The following EXOC1L variants were observed in gnomAD, a reference collection of about 807,000 sequenced individuals.
EXOC1L encodes exocyst complex component 1 like, also known as exocyst complex component 1-like.
A neutral mutation model predicts 4.9 loss-of-function variants in EXOC1L; 10 were observed. The observed-to-expected ratio is 2.02, with a 90% CI of 1.25 to 3.43. The LOEUF (loss-of-function observed/expected upper bound fraction) is 3.43. Ranked by LOEUF, EXOC1L falls within the 30% of genes most tolerant of loss-of-function variation. EXOC1L has a pLI of 0.00. For synonymous variants in EXOC1L, 41 were observed against 20.8 expected, an observed-to-expected ratio of 1.97 and a Z score of -2.63; for missense variants, 114 against 59.4, an observed-to-expected ratio of 1.92 and a Z score of -3.02.
intron 1 of EXOC1L, among the ~76,000 whole-genome samples, chr4:55,823,392 G>T (rs1447042): frequency 0.078 from 11,807 of 152,144 alleles, 517 homozygotes; most frequent in African/African-American, 0.087. Flanking sequence ...ACAATCTAAA[G>T]AATTTCTTTC....
At chr4:55,826,376 G>A (rs1719885738) in intron 1 of EXOC1L, among the ~76,000 whole-genome samples, 1 of 151,948 alleles carries the variant, frequency 6.6e-6, no homozygotes, top group Non-Finnish European at 1.5e-5. Flanking sequence ...TGGATCAATC[G>A]GGCAATGTTT....
At chr4:55,835,562 G>A (rs1331488487) in intron 2 of EXOC1L, among the ~76,000 whole-genome samples, 1 of 151,964 alleles carries the variant, frequency 6.6e-6, no homozygotes, top group African/African-American at 2.4e-5. Context: ...GCAGGAGTAA[G>A]GTGGTATTGC....
At position 55,825,733 on chromosome 4, in the gene EXOC1L, T is replaced by C. The variant is rs1341338011; in HGVS notation, c.121+5586T>C. Among the ~76,000 whole-genome samples, 3 of 152,118 alleles carry C rather than the reference T, an allele frequency of 2.0e-5. No homozygotes were observed. The East Asian group carries it at 5.8e-4, about 29-fold the overall frequency. ...TCTTTTTCATTTTAAAGACACTCAGTGTAGCCCAAAATTTGATTTTAAAAA... is the reference window on the plus strand; with the variant it reads ...TCTTTTTCATTTTAAAGACACTCAGCGTAGCCCAAAATTTGATTTTAAAAA... On this transcript the variant is annotated intron_variant, in intron 1 of 2. Coordinates refer to ENST00000636125, the MANE Select transcript of EXOC1L (RefSeq NM_001351574.3).
At chr4:55,822,892 A>G (rs1246047366) in intron 1 of EXOC1L, among the ~76,000 whole-genome samples, 1 of 152,048 alleles carries the variant, frequency 6.6e-6, no homozygotes, top group African/African-American at 2.4e-5. Flanking sequence ...TACAGAAAAA[A>G]TAATTTATCA....
intron 2 of EXOC1L, among the ~76,000 whole-genome samples, chr4:55,834,012 C>T (rs1173122759): frequency 6.6e-6 from 1 of 151,978 alleles, no homozygotes; most frequent in East Asian, 1.9e-4. Flanking sequence ...GGAATTTCTA[C>T]TTCTCTTTTT....
rs765442526 is a variant in EXOC1L at position 55,831,428 on chromosome 4, C to T, written c.216C>T (p.Asn72=). 2.3e-5 allele frequency: 16 copies of T among 695,782 alleles called. No individual in the cohort carries two copies. The highest frequency in any genetic ancestry group is 8.2e-5 in the Admixed American group (4 of 48,836). 43.1% of individuals were successfully genotyped at this position (695,782 alleles called of 1,614,324 possible). A position where few individuals can be genotyped will look rare whatever the true frequency, so the allele number is the denominator to read the frequency against. The change falls in exon 2 of 3, where the codon AAC becomes AAT. Residue 72 remains asparagine (N), a synonymous_variant. Coordinates refer to ENST00000636125, the MANE Select transcript of EXOC1L (RefSeq NM_001351574.3). ...AAGTAACAAAAAAGTGGTCTTTGAACGATCTGCAGATGATTGATGGAAAAG... is the reference window on the plus strand; with the variant it reads ...AAGTAACAAAAAAGTGGTCTTTGAATGATCTGCAGATGATTGATGGAAAAG... ...KYEVTKKWSL[N]DLQMIDGKEA...
chr4:55,836,044 C>G (rs189944761), intron 2 of EXOC1L, among the ~76,000 whole-genome samples: 1 of 151,972 alleles, frequency 6.6e-6, no homozygotes, highest in Admixed American at 6.6e-5. Context: ...AAAATGTTGT[C>G]TAACTTTAAA....
chr4:55,820,354 G>A (rs1719708917), intron 1 of EXOC1L, among the ~76,000 whole-genome samples: 1 of 152,138 alleles, frequency 6.6e-6, no homozygotes, highest in Non-Finnish European at 1.5e-5. Context: ...CATTGTATTA[G>A]AATACTTTGG....
intron 1 of EXOC1L, among the ~76,000 whole-genome samples, chr4:55,821,937 C>T (rs7677667): frequency 0.24 from 36,613 of 152,100 alleles, 4,891 homozygotes; most frequent in Non-Finnish European, 0.29. Context: ...CAGCGTGTTG[C>T]TTGAATAGTC....
chr4:55,834,948 C>A (rs906123887), intron 2 of EXOC1L, among the ~76,000 whole-genome samples: 2 of 151,712 alleles, frequency 1.3e-5, no homozygotes, highest in Non-Finnish European at 2.9e-5. Context: ...TGTAACTGTA[C>A]CCAATGTGTA....
At position 55,837,243 on chromosome 4, in the gene EXOC1L, C is replaced by T. The variant is rs1413914834; in HGVS notation, c.411C>T (p.Asn137=). 3.7e-5 allele frequency: 26 copies of T among 701,318 alleles called. No homozygotes were observed. The highest frequency in any genetic ancestry group is 8.1e-5 in the East Asian group (3 of 37,252). The allele number at this position is 701,318 out of a possible 1,614,324, so 43.4% of individuals were successfully genotyped here. The change falls in exon 3 of 3, where the codon AAC becomes AAT. Residue 137 remains asparagine (N), a synonymous_variant. Coordinates refer to ENST00000636125, the MANE Select transcript of EXOC1L (RefSeq NM_001351574.3). ...QIVNFDSTYI[N]DDSIWSSNNK... ...TGAACTTTGATTCTACATACATTAA[C>T]GATGATTCCATTTGGTCCTCCAACA...
chr4:55,833,554 T>C (rs1159057140), intron 2 of EXOC1L, among the ~76,000 whole-genome samples: 1 of 151,956 alleles, frequency 6.6e-6, no homozygotes, highest in Non-Finnish European at 1.5e-5. Context: ...TCAAGTTCAC[T>C]AATCTGTAGT....
rs1719698808 is a variant in EXOC1L at position 55,819,972 on chromosome 4, G to A, written c.-55G>A. ...CAAACGAGAAATCTAGGGAGCAAAA[G>A]GAGAGGAAAGAGTGAGCTTGAGCCA... On this transcript the variant is annotated 5_prime_UTR_variant, in exon 1 of 3. Transcript: ENST00000636125. 17 of 398,522 alleles carry A rather than the reference G, an allele frequency of 4.3e-5. No homozygotes were observed. In the East Asian group the frequency reaches 5.7e-4, roughly 13 times the overall value. 24.7% of individuals were successfully genotyped at this position (398,522 alleles called of 1,614,324 possible).
chr4:55,827,961 G>A (rs1307268770), intron 1 of EXOC1L, among the ~76,000 whole-genome samples: 1 of 152,126 alleles, frequency 6.6e-6, no homozygotes, highest in Non-Finnish European at 1.5e-5. Context: ...TGCTAGAGAA[G>A]GATAGGTGGG....
At chr4:55,820,909 T>G (rs1381317261) in intron 1 of EXOC1L, among the ~76,000 whole-genome samples, 1 of 152,140 alleles carries the variant, frequency 6.6e-6, no homozygotes, top group African/African-American at 2.4e-5. Flanking sequence ...TAGACAGGAG[T>G]GCTCATGCCA....
intron 2 of EXOC1L, among the ~76,000 whole-genome samples, chr4:55,835,575 A>G (rs920781626): frequency 1.3e-5 from 2 of 151,644 alleles, no homozygotes; most frequent in Non-Finnish European, 3.0e-5. Context: ...GGTATTGCAT[A>G]GTGGTTTTTA....
intron 1 of EXOC1L, among the ~76,000 whole-genome samples, chr4:55,822,914 C>A (rs905062470): frequency 6.6e-6 from 1 of 150,892 alleles, no homozygotes; most frequent in African/African-American, 2.4e-5. Context: ...TAAAAATATG[C>A]TGAAATATAT....
chr4:55,827,922 C>T (rs923660912), intron 1 of EXOC1L, among the ~76,000 whole-genome samples: 7 of 152,198 alleles, frequency 4.6e-5, no homozygotes, highest in African/African-American at 1.7e-4. Flanking sequence ...AGACTAACAT[C>T]TACACCAGTG....
At chr4:55,822,619 G>A (rs75009154) in intron 1 of EXOC1L, among the ~76,000 whole-genome samples, 107 of 152,294 alleles carry the variant, frequency 7.0e-4, no homozygotes, top group Admixed American at 1.7e-3. Flanking sequence ...AAGTAACAGG[G>A]CATAGTGGAA....
Sources: allele counts gnomAD v4.1 joint callset (sites outside exome capture counted in the v4.1 genomes callset), GRCh38; gene constraint gnomAD v4.1.1; transcripts MANE v1.5; gene names NCBI Gene and HGNC (gene_info 2026-07-23, HGNC 2026-07-21).